KCNG2: variants seen among roughly 807,000 people sequenced by gnomAD.
KCNG2 encodes potassium voltage-gated channel modifier subfamily G member 2, also known as voltage-gated potassium channel regulatory subunit KCNG2.
In KCNG2, 7 loss-of-function variants were observed where a neutral mutation model predicts 12.3. The ratio of observed to expected loss-of-function variants is 0.57; its 90% confidence interval spans 0.32 to 1.07. The LOEUF (loss-of-function observed/expected upper bound fraction) is 1.07. Ranked by LOEUF, KCNG2 falls within the 50% of genes least tolerant of loss-of-function variation. KCNG2 has a pLI of 0.04. For synonymous variants in KCNG2, 414 were observed against 351.4 expected, an observed-to-expected ratio of 1.18 and a Z score of -1.99; for missense variants, 703 against 726.0, an observed-to-expected ratio of 0.97 and a Z score of 0.36.
intron 2 of KCNG2, among the ~76,000 whole-genome samples, chr18:79,857,336 C>G (rs1174946872): frequency 6.6e-6 from 1 of 151,260 alleles, no homozygotes; most frequent in African/African-American, 2.4e-5. Flanking sequence ...CTCCTGGCCT[C>G]CATTGCAGTA....
intron 3 of KCNG2, among the ~76,000 whole-genome samples, chr18:79,887,104 CAG>C (rs1479115961): frequency 1.4e-5 from 2 of 145,514 alleles, no homozygotes; most frequent in Non-Finnish European, 3.0e-5. Context: ...GCCATAGGGA[CAG>C]GGACATGGGG....
At chr18:79,868,002 C>A (rs879778607) in intron 3 of KCNG2, among the ~76,000 whole-genome samples, 1 of 152,202 alleles carries the variant, frequency 6.6e-6, no homozygotes, top group Non-Finnish European at 1.5e-5. Flanking sequence ...GGGTGTCTGG[C>A]GGCCAGGCTG....
intron 1 of KCNG2, among the ~76,000 whole-genome samples, chr18:79,848,474 A>G (rs1445798365): frequency 1.3e-5 from 2 of 152,176 alleles, no homozygotes; most frequent in Non-Finnish European, 2.9e-5. Flanking sequence ...TCTGCATCCC[A>G]CGGCCTCAGT....
intron 1 of KCNG2, among the ~76,000 whole-genome samples, chr18:79,846,328 G>A (rs1484930820): frequency 1.4e-5 from 2 of 140,694 alleles, no homozygotes; most frequent in Admixed American, 7.6e-5. Flanking sequence ...AGCTGAGATC[G>A]TGTGCCACTG....
At chr18:79,824,083 G>A (rs2087593424) in intron 1 of KCNG2, among the ~76,000 whole-genome samples, 1 of 152,140 alleles carries the variant, frequency 6.6e-6, no homozygotes, top group South Asian at 2.1e-4. Flanking sequence ...GCTCACTGCA[G>A]CCTCCGCCCC....
chr18:79,835,840 G>A (rs1382879074), intron 1 of KCNG2, among the ~76,000 whole-genome samples: 2 of 152,208 alleles, frequency 1.3e-5, no homozygotes, highest in African/African-American at 2.4e-5. Context: ...AACACCAGTG[G>A]ACCATGACAG....
intron 3 of KCNG2, among the ~76,000 whole-genome samples, chr18:79,889,831 G>A (rs1980684509): frequency 1.3e-5 from 2 of 152,214 alleles, no homozygotes; most frequent in South Asian, 2.1e-4. Context: ...GAGGGAGCAC[G>A]GAGTCTTTCG....
At chr18:79,895,798 T>A (rs1980952707) in intron 3 of KCNG2, among the ~76,000 whole-genome samples, 1 of 152,168 alleles carries the variant, frequency 6.6e-6, no homozygotes, top group Admixed American at 6.5e-5. Flanking sequence ...TTCACTCCAT[T>A]CACATCTACT....
intron 3 of KCNG2, among the ~76,000 whole-genome samples, chr18:79,878,991 C>G (rs1980189939): frequency 6.6e-6 from 1 of 152,246 alleles, no homozygotes; most frequent in African/African-American, 2.4e-5. Flanking sequence ...GAGCTCAGCT[C>G]CTGCCTCCCC....
rs925977755 is a variant in KCNG2 at position 79,899,354 on chromosome 18, G to A, written c.939G>A (p.Leu313=). The part of the protein sequence containing the change: ...RHSLGLRSLG[L]TMRRCAREFG... ...CGCTGGGGCTGCGTTCGCTGGGCCT[G>A]ACCATGCGCCGCTGCGCGCGCGAGT... Residue 313 remains leucine (L), a synonymous_variant, in exon 4 of 4, where the codon CTG becomes CTA. Transcript: ENST00000316249. 1 of 1,555,898 alleles carries A rather than the reference G, an allele frequency of 6.4e-7. No individual in the cohort carries two copies.
chr18:79,868,917 C>T (rs1979717566), intron 3 of KCNG2, among the ~76,000 whole-genome samples: 1 of 152,216 alleles, frequency 6.6e-6, no homozygotes, highest in Non-Finnish European at 1.5e-5. Flanking sequence ...TGTCAGGACA[C>T]GAGTTCTTGA....
intron 3 of KCNG2, among the ~76,000 whole-genome samples, chr18:79,883,252 G>A (rs1980389340): frequency 6.6e-6 from 1 of 152,202 alleles, no homozygotes; most frequent in Non-Finnish European, 1.5e-5. Flanking sequence ...GACTGGGTGG[G>A]CGGGGTCCGG....
rs912823082 is a variant in KCNG2, at chr18:79,899,915, G to A, written c.*99G>A. 54 of 1,135,794 alleles carry A rather than the reference G, an allele frequency of 4.8e-5. No homozygotes were observed. Among genetic ancestry groups the A allele is most frequent in the Non-Finnish European group, 5.6e-5 (50 of 892,702 alleles). 70.4% of individuals were successfully genotyped at this position (1,135,794 alleles called of 1,614,324 possible). A position where few individuals can be genotyped will look rare whatever the true frequency, so the allele number is the denominator to read the frequency against. ...GGTGGGGGGCGTCTGGCCTGGGGGA[G>A]CGGCTCCTGCCGGCCGCGTCCTCGG... is the stretch of plus-strand genomic sequence containing the variant. On this transcript the variant is annotated 3_prime_UTR_variant, in exon 4 of 4. Transcript: ENST00000316249.
chr18:79,810,030 G>A (rs1343312409), intron 1 of KCNG2, among the ~76,000 whole-genome samples: 1 of 152,232 alleles, frequency 6.6e-6, no homozygotes, highest in South Asian at 2.1e-4. Context: ...GGAGCCGCCC[G>A]CCCATTGCGC....
intron 3 of KCNG2, among the ~76,000 whole-genome samples, chr18:79,882,493 TAAGA>T (rs1282289891): frequency 6.6e-6 from 1 of 152,224 alleles, no homozygotes; most frequent in African/African-American, 2.4e-5. Context: ...AACTCAACTG[TAAGA>T]AAATAACCTG....
chr18:79,864,544 G>A (rs9954428), intron 3 of KCNG2, among the ~76,000 whole-genome samples: 2,257 of 152,340 alleles, frequency 0.015, 60 homozygotes, highest in African/African-American at 0.052. Context: ...AGTTACATTC[G>A]GTTTCCGACG....
In KCNG2 at chr18:79,899,261, C is replaced by T. The variant is rs764009330; in HGVS notation, c.846C>T (p.Arg282=). 10 of 1,587,878 alleles carry T rather than the reference C, an allele frequency of 6.3e-6. No homozygotes were observed. The East Asian group carries it at 9.0e-5, about 14-fold the overall frequency. The part of the protein sequence containing the change: ...AGPGGTKLLE[R]AGLVLRLLRA... ...CGGGCGGGACCAAGCTCCTGGAGCGCGCGGGGCTGGTGCTGCGGCTGCTGC... is the reference window on the plus strand; with the variant it reads ...CGGGCGGGACCAAGCTCCTGGAGCGTGCGGGGCTGGTGCTGCGGCTGCTGC... Residue 282 remains arginine, a synonymous_variant, in exon 4 of 4, where the codon CGC becomes CGT. Transcript: ENST00000316249.
chr18:79,815,339 C>A (rs1180045433), intron 1 of KCNG2, among the ~76,000 whole-genome samples: 1 of 150,282 alleles, frequency 6.7e-6, no homozygotes, highest in African/African-American at 2.5e-5. Context: ...ACTTGGGAGG[C>A]TGAGGTGGGA....
Position 79,884,204 on chromosome 18 carries a change from G to A in KCNG2, c.625-14836G>A, listed in dbSNP as rs1980430280. Reference sequence around the variant, plus strand: ...ACAGCACAGAAGCTGCAGGGGCTCCGTCCCCATGCCCCTCCCCATGCCCCA... The same window carrying A: ...ACAGCACAGAAGCTGCAGGGGCTCCATCCCCATGCCCCTCCCCATGCCCCA... On this transcript the variant is annotated intron_variant, in intron 3 of 3. Coordinates refer to ENST00000316249, the MANE Select transcript of KCNG2 (RefSeq NM_012283.2). The surrounding 1 kb of genome is among the most constrained non-coding windows in gnomAD (Gnocchi z 5.5). Among the ~76,000 whole-genome samples, 1 of 151,916 alleles carries A rather than the reference G, an allele frequency of 6.6e-6. No homozygotes were observed. Among genetic ancestry groups the A allele is most frequent in the Non-Finnish European group, 1.5e-5 (1 of 67,950 alleles).
Sources: allele counts gnomAD v4.1 joint callset (sites outside exome capture counted in the v4.1 genomes callset), GRCh38; gene constraint gnomAD v4.1.1; non-coding constraint Gnocchi (gnomAD v3.1); transcripts MANE v1.5; gene names NCBI Gene and HGNC (gene_info 2026-07-23, HGNC 2026-07-21).